The following PLA2G4C variants were observed in gnomAD, a reference collection of about 807,000 sequenced individuals.
PLA2G4C encodes cytosolic phospholipase A2 gamma.
A neutral mutation model predicts 73.8 loss-of-function variants in PLA2G4C; 64 were observed. The observed-to-expected ratio is 0.87, with a 90% CI of 0.71 to 1.07. The LOEUF (loss-of-function observed/expected upper bound fraction) is 1.07, where lower values mean the gene tolerates loss of function less well. PLA2G4C is among the 50% of genes least tolerant of loss of function. The pLI, the probability that PLA2G4C is intolerant of heterozygous loss-of-function variation, is 0.00. For synonymous variants in PLA2G4C, 254 were observed against 252.1 expected, an observed-to-expected ratio of 1.01 and a Z score of -0.07; for missense variants, 622 against 665.4, an observed-to-expected ratio of 0.93 and a Z score of 0.72.
At chr19:48,096,614 C>A (rs1402211056) in intron 6 of PLA2G4C, 2 of 152,448 alleles carry the variant, frequency 1.3e-5, no homozygotes, top group African/African-American at 4.8e-5. Flanking sequence ...ACCATTCACA[C>A]TGGGGGCTTC....
intron 16 of PLA2G4C, among the ~76,000 whole-genome samples, chr19:48,049,556 G>C (rs1967643935): frequency 6.6e-6 from 1 of 152,216 alleles, no homozygotes; most frequent in Admixed American, 6.5e-5. Flanking sequence ...CCTGTATGCA[G>C]CCACGGCTGC....
rs541089076 is a variant in PLA2G4C, at chr19:48,110,239, G to C, written c.-33+248C>G. The stretch of plus-strand genomic sequence containing the variant: ...TGTGCGCCTGTAATCCCAGCTACTC[G>C]GGAGGTTGAGGCAGGAGAATCGCTT... On this transcript the variant is annotated intron_variant, in intron 1 of 16. Transcript: ENST00000599921. Among the ~76,000 whole-genome samples the C allele has an allele frequency of 1.3e-4, 20 of 151,758 alleles. No homozygotes were observed. In the South Asian group the frequency reaches 1.7e-3, roughly 13 times the overall value.
chr19:48,110,422 T>C (rs991225702), intron 1 of PLA2G4C, 65 bp downstream of exon 1: 55 of 1,067,298 alleles, frequency 5.2e-5, no homozygotes, highest in Non-Finnish European at 6.9e-5. Context: ...TTGCACCCAA[T>C]CCCTGGTACT....
intron 12 of PLA2G4C, among the ~76,000 whole-genome samples, chr19:48,073,237 A>G (rs950702502): frequency 2.6e-5 from 4 of 151,680 alleles, no homozygotes; most frequent in Non-Finnish European, 5.9e-5. Flanking sequence ...TTTTGTAGAG[A>G]TGGGGTCTTG....
At chr19:48,079,488 G>A (rs1431496453) in intron 10 of PLA2G4C, among the ~76,000 whole-genome samples, 4 of 152,090 alleles carry the variant, frequency 2.6e-5, no homozygotes, top group Non-Finnish European at 4.4e-5. Flanking sequence ...AATGAAACTC[G>A]ATCCTTATTT....
At chr19:48,053,734 C>T (rs1967820040) in intron 15 of PLA2G4C, among the ~76,000 whole-genome samples, 1 of 152,156 alleles carries the variant, frequency 6.6e-6, no homozygotes, top group South Asian at 2.1e-4. Context: ...GCTGATGCAG[C>T]ATAGGTAACC....
chr19:48,109,713 A>T (rs1325601153), intron 1 of PLA2G4C, among the ~76,000 whole-genome samples: 1 of 151,872 alleles, frequency 6.6e-6, no homozygotes, highest in Non-Finnish European at 1.5e-5. Context: ...GCAGTGGCGC[A>T]GTCTCGGCTC....
At chr19:48,055,180 G>A in intron 14 of PLA2G4C, 131 bp from the exon 15 acceptor site, 1 of 774,706 alleles carries the variant, frequency 1.3e-6, no homozygotes, top group Non-Finnish European at 2.1e-6. Context: ...GGGTCAGCTT[G>A]GACAGGGACA....
intron 14 of PLA2G4C, among the ~76,000 whole-genome samples, chr19:48,058,021 G>A (rs902940856): frequency 5.6e-4 from 85 of 151,586 alleles, no homozygotes; most frequent in African/African-American, 1.6e-3. Flanking sequence ...TTTTTTGGCC[G>A]GGTGTGGTGG....
chr19:48,084,916 T>C (rs1478374925), intron 10 of PLA2G4C, 143 bp downstream of exon 10: 2 of 648,864 alleles, frequency 3.1e-6, no homozygotes, highest in African/African-American at 3.6e-5. Flanking sequence ...CAATGTTCAG[T>C]GTATGAGAAT....
intron 13 of PLA2G4C, among the ~76,000 whole-genome samples, chr19:48,063,011 G>A (rs1968251578): frequency 6.6e-6 from 1 of 152,058 alleles, no homozygotes; most frequent in South Asian, 2.1e-4. Flanking sequence ...GCAGGGAGGG[G>A]GCTTCCAGGT....
chr19:48,060,396 G>A (rs907053803), intron 14 of PLA2G4C, among the ~76,000 whole-genome samples: 1 of 152,130 alleles, frequency 6.6e-6, no homozygotes, highest in African/African-American at 2.4e-5. Context: ...CACTGTAGTG[G>A]ACAGCTTAGG....
Position 48,048,331 on chromosome 19 carries a change from G to A in PLA2G4C, c.*12C>T. 1 of 1,596,204 alleles carries A rather than the reference G, an allele frequency of 6.3e-7. No homozygotes were observed. Among genetic ancestry groups the A allele is most frequent in the Non-Finnish European group, 8.5e-7 (1 of 1,173,202 alleles). On this transcript the variant is annotated 3_prime_UTR_variant, in exon 17 of 17. Transcript: ENST00000599921. ...CCAACAGGCCCACAGTGCCCTGGAA[G>A]CTGAGGCTCATCTATGCCAAGCAGC...
intron 13 of PLA2G4C, among the ~76,000 whole-genome samples, chr19:48,066,596 T>C (rs905558158): frequency 6.6e-6 from 1 of 152,008 alleles, no homozygotes; most frequent in African/African-American, 2.4e-5. Context: ...CCCTGGAAGA[T>C]GCACCTTTTC....
At chr19:48,059,772 T>TC (rs1303767067) in intron 14 of PLA2G4C, among the ~76,000 whole-genome samples, 1 of 149,540 alleles carries the variant, frequency 6.7e-6, no homozygotes, top group African/African-American at 2.5e-5. Context: ...TACTTTTTTT[T>TC]TTTTTTTTTT....
chr19:48,073,318 G>C (rs2029919441), intron 12 of PLA2G4C, among the ~76,000 whole-genome samples: 1 of 152,072 alleles, frequency 6.6e-6, no homozygotes, highest in Non-Finnish European at 1.5e-5. Flanking sequence ...CCAAAGTGCT[G>C]GGATTACAGG....
Position 48,107,237 on chromosome 19 carries a change from T to C in PLA2G4C, c.-32-676A>G, listed in dbSNP as rs77793427. The stretch of plus-strand genomic sequence containing the variant: ...ATGAAATCACAGGTGTGTCCAAAAC[T>C]ATCTTTGTATAGCTGAGTCAGTTCC... On this transcript the variant is annotated intron_variant, in intron 1 of 16. Transcript: ENST00000599921. 3.5e-3 allele frequency among the ~76,000 whole-genome samples: 537 copies of C among 152,322 alleles called. 15 individuals are homozygous for C. In the East Asian group the frequency reaches 0.05, roughly 14 times the overall value.
chr19:48,052,961 G>C lies in PLA2G4C; in HGVS notation c.1580+36C>G, dbSNP rs187296451. 5.3e-4 allele frequency: 830 copies of C among 1,577,268 alleles called. 1 individual carries two copies. The highest frequency in any genetic ancestry group is 2.5e-3 in the Middle Eastern group (14 of 5,712). On this transcript the variant is annotated intron_variant, in intron 16 of 16. Transcript: ENST00000599921. ...TCTCCAACAGATACTTACTGAACGA[G>C]CATAGGCATCAGAGCGACTATGGTC...
chr19:48,105,943 C>CT (rs1568457679), intron 2 of PLA2G4C, among the ~76,000 whole-genome samples: 1 of 10,424 alleles, frequency 9.6e-5, no homozygotes, highest in African/African-American at 8.8e-4. Flanking sequence ...CCCTCCCTCC[C>CT]TCCCTTCTTT....
Sources: allele counts gnomAD v4.1 joint callset (sites outside exome capture counted in the v4.1 genomes callset), GRCh38; gene constraint gnomAD v4.1.1; transcripts MANE v1.5; gene names NCBI Gene and HGNC (gene_info 2026-07-23, HGNC 2026-07-21).